TGFA: variants seen among roughly 807,000 people sequenced by gnomAD.
TGFA encodes the protein transforming growth factor alpha.
A neutral mutation model predicts 21.7 loss-of-function variants in TGFA; 12 were observed. The ratio of observed to expected loss-of-function variants is 0.55; its 90% CI spans 0.35 to 0.90. The LOEUF is 0.90. TGFA is among the 40% of genes least tolerant of loss of function. The pLI, the probability that TGFA is intolerant of heterozygous loss-of-function variation, is 0.01. For missense variants in TGFA, 178 were observed against 210.8 expected (o/e 0.84, Z 0.96); for synonymous variants, 79 against 88.1 (o/e 0.90, Z 0.58).
At chr2:70,536,298 T>C (rs1195938786) in intron 1 of TGFA, among the ~76,000 whole-genome samples, 1 of 152,162 alleles carries the variant, frequency 6.6e-6, no homozygotes, top group East Asian at 1.9e-4. Flanking sequence ...AATCCACTAT[T>C]ATGGGTAGTG....
At chr2:70,480,410 G>A (rs944812227) in intron 2 of TGFA, among the ~76,000 whole-genome samples, 20 of 152,276 alleles carry the variant, frequency 1.3e-4, no homozygotes, top group African/African-American at 4.6e-4. Flanking sequence ...CCACCTGCAC[G>A]CTCACTGGCA....
intron 2 of TGFA, among the ~76,000 whole-genome samples, chr2:70,503,920 CTT>C (rs1431470757): frequency 6.6e-6 from 1 of 152,216 alleles, no homozygotes; most frequent in Non-Finnish European, 1.5e-5. Flanking sequence ...GACTTTGTGA[CTT>C]TGGAGTCTGA....
At chr2:70,466,575 G>T (rs1553492300) in intron 2 of TGFA, among the ~76,000 whole-genome samples, 1 of 152,076 alleles carries the variant, frequency 6.6e-6, no homozygotes. Context: ...ATAGAAATTA[G>T]ACATGAAGGA....
intron 1 of TGFA, among the ~76,000 whole-genome samples, chr2:70,532,907 C>T (rs1672856360): frequency 6.6e-6 from 1 of 150,744 alleles, no homozygotes. Context: ...GTTGCCTAGG[C>T]TGGAGTGCAG....
intron 1 of TGFA, among the ~76,000 whole-genome samples, chr2:70,526,413 T>C (rs1672636947): frequency 6.6e-6 from 1 of 152,202 alleles, no homozygotes; most frequent in Non-Finnish European, 1.5e-5. Context: ...TGCCAGATTT[T>C]AAGGCCCCTA....
At chr2:70,528,874 A>G (rs546380822) in intron 1 of TGFA, among the ~76,000 whole-genome samples, 16 of 152,318 alleles carry the variant, frequency 1.1e-4, no homozygotes, top group African/African-American at 3.9e-4. Flanking sequence ...TCATAAAATG[A>G]AGCTACAGCT....
At chr2:70,553,374 C>T in intron 1 of TGFA, 1 of 1,460,432 alleles carries the variant, frequency 6.8e-7, no homozygotes, top group Non-Finnish European at 9.0e-7. Flanking sequence ...CCGGCTGAGC[C>T]GGGCTTGGAG....
Position 70,450,954 on chromosome 2 carries a change from G to A in TGFA, c.476-88C>T, listed in dbSNP as rs1370640927. 6 of 1,497,952 alleles carry A rather than the reference G, an allele frequency of 4.0e-6. No homozygotes were observed. The Admixed American group carries it at 9.5e-5, about 24-fold the overall frequency. The allele number at this position is 1,497,952 out of a possible 1,614,324, so 92.8% of individuals were successfully genotyped here. A position where few individuals can be genotyped will look rare whatever the true frequency, so the allele number is the denominator to read the frequency against. On this transcript the variant is annotated intron_variant, in intron 5 of 5. Coordinates refer to ENST00000295400, the MANE Select transcript of TGFA (RefSeq NM_003236.4). ...AGCTTAGGAAAGAGACTTGGAGATG[G>A]CAGAGCCAATGTCACCAAGTTCTCT...
chr2:70,536,878 C>A lies in TGFA; in HGVS notation c.40+16850G>T, dbSNP rs544770598. 1.8e-3 allele frequency among the ~76,000 whole-genome samples: 280 copies of A among 152,274 alleles called. 2 individuals carry two copies. Among genetic ancestry groups the A allele is most frequent in the South Asian group, 3.1e-3 (15 of 4,822 alleles). The stretch of plus-strand genomic sequence containing the variant: ...TACTGTTTTGCTCTGTGCTGAGTAT[C>A]TGAAAATTAGTCATCCACATGGGAT... On this transcript the variant is annotated intron_variant, in intron 1 of 5. Coordinates refer to ENST00000295400, the MANE Select transcript of TGFA (RefSeq NM_003236.4).
intron 1 of TGFA, among the ~76,000 whole-genome samples, chr2:70,551,189 C>G (rs1673495084): frequency 6.6e-6 from 1 of 152,134 alleles, no homozygotes; most frequent in Non-Finnish European, 1.5e-5. Context: ...AAAAACAAGG[C>G]ATAGAAAAGC....
In TGFA at chr2:70,456,402, G is replaced by T. The variant is rs373035967; in HGVS notation, c.302C>A (p.Thr101Asn). The T allele has an allele frequency of 6.3e-7, 1 of 1,588,800 alleles. No individual in the cohort carries two copies. The highest frequency in any genetic ancestry group is 8.6e-7 in the Non-Finnish European group (1 of 1,167,772). Residue 101 changes from threonine to asparagine, a missense_variant, in exon 4 of 6, where the codon ACC becomes AAC. Physicochemically the swap from Thr to Asn is moderately conservative, Grantham distance 65. Transcript: ENST00000295400. ...VAASQKKQAI[T>N]ALVVVSIVAL... ...CACGATGGAGACCACCACCAAGGCG[G>T]TGATGGCCTGCTTCTTCTGGCTGGC... is the stretch of plus-strand genomic sequence containing the variant.
rs782632960 is a variant in TGFA, at chr2:70,514,861, C to T, written c.92G>A (p.Ser31Asn). 1 of 1,614,010 alleles carries T rather than the reference C, an allele frequency of 6.2e-7. No homozygotes were observed. Among genetic ancestry groups the T allele is most frequent in the East Asian group, 2.2e-5 (1 of 44,870 alleles). Reference sequence around the variant, plus strand: ...ACACCCACGGCAGCTGCACTCACCACTCAGCGGGGACGTGCTGTTCTCCAA... The same window carrying T: ...ACACCCACGGCAGCTGCACTCACCATTCAGCGGGGACGTGCTGTTCTCCAA... Reference protein sequence around the residue: ...QALENSTSPLSADPPVAAAVV... With the variant: ...QALENSTSPLNADPPVAAAVV... Residue 31 changes from serine (S) to asparagine (N), a missense_variant and splice_region_variant, in exon 2 of 6, where the codon AGT becomes AAT. Physicochemically the swap from Ser to Asn is conservative, Grantham distance 46 (BLOSUM62 1). Coordinates refer to ENST00000295400, the MANE Select transcript of TGFA (RefSeq NM_003236.4).
intron 2 of TGFA, among the ~76,000 whole-genome samples, chr2:70,508,446 A>C (rs1045019199): frequency 4.1e-4 from 63 of 152,300 alleles, no homozygotes; most frequent in Admixed American, 1.9e-3. Context: ...ACTCCATCTC[A>C]AAACAAACAA....
At chr2:70,526,899 G>A (rs1169414921) in intron 1 of TGFA, among the ~76,000 whole-genome samples, 1 of 152,202 alleles carries the variant, frequency 6.6e-6, no homozygotes, top group Admixed American at 6.5e-5. Context: ...ATGTAAGAGT[G>A]CAGTGAGAAA....
At chr2:70,471,773 A>C (rs928617499) in intron 2 of TGFA, among the ~76,000 whole-genome samples, 2 of 152,118 alleles carry the variant, frequency 1.3e-5, no homozygotes, top group African/African-American at 4.8e-5. Flanking sequence ...AGTAGTCTCC[A>C]TTTTTTAGAT....
chr2:70,550,222 G>A (rs1049372212), intron 1 of TGFA, among the ~76,000 whole-genome samples: 1 of 151,998 alleles, frequency 6.6e-6, no homozygotes, highest in Middle Eastern at 3.2e-3. Context: ...CTTATCTCTG[G>A]ATTATAAAAT....
chr2:70,532,632 G>A (rs1553503839), intron 1 of TGFA, among the ~76,000 whole-genome samples: 5 of 152,192 alleles, frequency 3.3e-5, no homozygotes. Flanking sequence ...ACATACACTA[G>A]GCTCCTACGC....
intron 2 of TGFA, among the ~76,000 whole-genome samples, chr2:70,501,032 T>C (rs1553499059): frequency 6.6e-6 from 1 of 152,098 alleles, no homozygotes; most frequent in Non-Finnish European, 1.5e-5. Flanking sequence ...TTTCTTCTAG[T>C]AGTTTCACAG....
intron 2 of TGFA, among the ~76,000 whole-genome samples, chr2:70,514,408 TA>T (rs570295816): frequency 0.027 from 3,906 of 142,448 alleles, 172 homozygotes; most frequent in African/African-American, 0.097. Context: ...AAAATAATAA[TA>T]AAAAAAAATA....
Sources: allele counts gnomAD v4.1 joint callset (sites outside exome capture counted in the v4.1 genomes callset), GRCh38; gene constraint gnomAD v4.1.1; transcripts MANE v1.5; gene names NCBI Gene and HGNC (gene_info 2026-07-23, HGNC 2026-07-21).